Variants in PTPRG observed in about 807,000 individuals in gnomAD.
PTPRG encodes receptor-type tyrosine-protein phosphatase gamma.
A neutral mutation model predicts 165.3 loss-of-function variants in PTPRG; 102 were observed. The observed-to-expected ratio is 0.62, with a 90% CI of 0.53 to 0.73. The LOEUF is 0.73. Ranked by LOEUF, PTPRG falls within the 30% of genes least tolerant of loss-of-function variation. PTPRG has a pLI of 0.00. For missense variants in PTPRG, 1,866 were observed against 1,861.4 expected (o/e 1.00, Z -0.05); for synonymous variants, 675 against 669.5 (o/e 1.01, Z -0.13).
chr3:61,999,930 A>T lies in PTPRG; in HGVS notation c.371-3419A>T, dbSNP rs550643816. ...CTTTGATATAATCAAAAAGATAGAA[A>T]TAATTCAGAAAAGGCAGTATCTTTT... On this transcript the variant is annotated intron_variant, in intron 3 of 29. Coordinates refer to ENST00000474889, the MANE Select transcript of PTPRG (RefSeq NM_002841.4). Among the ~76,000 whole-genome samples the T allele has an allele frequency of 1.4e-3, 213 of 152,322 alleles. 1 individual carries two copies. The highest frequency in any genetic ancestry group is 4.9e-3 in the African/African-American group (204 of 41,564).
At chr3:62,119,855 C>T (rs1337046691) in intron 5 of PTPRG, among the ~76,000 whole-genome samples, 5 of 143,702 alleles carry the variant, frequency 3.5e-5, no homozygotes, top group African/African-American at 7.8e-5. Flanking sequence ...AGGATGGTCT[C>T]GATCTCCTGA....
At chr3:61,570,329 C>A (rs1253294391) in intron 1 of PTPRG, among the ~76,000 whole-genome samples, 2 of 151,576 alleles carry the variant, frequency 1.3e-5, no homozygotes, top group African/African-American at 4.9e-5. Flanking sequence ...TGATTTTAAA[C>A]TACTCAGTTT....
chr3:62,130,955 G>A (rs1490419987), intron 5 of PTPRG, among the ~76,000 whole-genome samples: 1 of 150,432 alleles, frequency 6.6e-6, no homozygotes, highest in Admixed American at 6.6e-5. Context: ...TTTTTTATCT[G>A]TAATGTTTAC....
At position 62,273,100 on chromosome 3, in the gene PTPRG, C is replaced by T. The variant is rs760437952; in HGVS notation, c.3318+19C>T. The T allele has an allele frequency of 5.0e-6, 8 of 1,591,172 alleles. No homozygotes were observed. The highest frequency in any genetic ancestry group is 4.5e-5 in the East Asian group (2 of 44,592). On this transcript the variant is annotated intron_variant, in intron 22 of 29. Transcript: ENST00000474889. This position sits in a 1 kb window ranked among gnomAD's most constrained non-coding sequence, Gnocchi z 4.1. Reference sequence around the variant, plus strand: ...GACTGAGGTAAGGAGTAGCTGCCAGCGTCCTCACGACATTCTGGCAAATGC... The same window carrying T: ...GACTGAGGTAAGGAGTAGCTGCCAGTGTCCTCACGACATTCTGGCAAATGC...
chr3:61,648,387 C>T (rs1389635534), intron 1 of PTPRG, among the ~76,000 whole-genome samples: 7 of 152,238 alleles, frequency 4.6e-5, no homozygotes, highest in Non-Finnish European at 8.8e-5. Context: ...GTGTTTCACA[C>T]ATAGGCACCA....
At chr3:61,688,188 C>G (rs1703702289) in intron 1 of PTPRG, among the ~76,000 whole-genome samples, 1 of 152,158 alleles carries the variant, frequency 6.6e-6, no homozygotes, top group Admixed American at 6.5e-5. Flanking sequence ...ATTTCCTGGA[C>G]TAATCCATGT....
intron 2 of PTPRG, among the ~76,000 whole-genome samples, chr3:61,973,833 A>AAAATAAATAAATAAATAAATAAAT (rs147291562): frequency 4.7e-5 from 7 of 150,278 alleles, no homozygotes; most frequent in African/African-American, 1.7e-4. Context: ...ACTCCATTTC[A>AAAATAAATAAATAAATAAATAAAT]AAATAAATAA....
chr3:62,165,619 T>C (rs1356738159), intron 7 of PTPRG, among the ~76,000 whole-genome samples: 1 of 152,212 alleles, frequency 6.6e-6, no homozygotes, highest in Non-Finnish European at 1.5e-5. Flanking sequence ...AGAATTGAAG[T>C]AACACAAGAG....
intron 1 of PTPRG, among the ~76,000 whole-genome samples, chr3:61,627,103 A>AT (rs11411048): frequency 0.87 from 130,028 of 150,080 alleles, 56,271 homozygotes; most frequent in Middle Eastern, 0.96. Context: ...TTAAAAGCAA[A>AT]TTTTTTTTTT....
chr3:61,818,484 A>T (rs2035854806), intron 2 of PTPRG, among the ~76,000 whole-genome samples: 1 of 152,156 alleles, frequency 6.6e-6, no homozygotes, highest in Non-Finnish European at 1.5e-5. Flanking sequence ...ATAATGAAAA[A>T]GTCCTATAAA....
chr3:61,633,695 T>C (rs1443526752), intron 1 of PTPRG, among the ~76,000 whole-genome samples: 1 of 152,174 alleles, frequency 6.6e-6, no homozygotes, highest in South Asian at 2.1e-4. Flanking sequence ...TCTTGCCTAA[T>C]TGCTCTGGCT....
intron 4 of PTPRG, among the ~76,000 whole-genome samples, chr3:62,061,111 C>G (rs1479802071): frequency 1.3e-5 from 2 of 152,178 alleles, no homozygotes; most frequent in South Asian, 2.1e-4. Context: ...CTAAGGTAGC[C>G]TGTTTTAGCA....
At chr3:61,970,817 A>C (rs2040365364) in intron 2 of PTPRG, among the ~76,000 whole-genome samples, 1 of 152,226 alleles carries the variant, frequency 6.6e-6, no homozygotes, top group Admixed American at 6.5e-5. Flanking sequence ...TTTGAACCAA[A>C]TGAGTTCATA....
intron 2 of PTPRG, among the ~76,000 whole-genome samples, chr3:61,946,921 G>T (rs1361627117): frequency 1.3e-5 from 2 of 152,062 alleles, no homozygotes; most frequent in Admixed American, 6.6e-5. Context: ...ATTTAGACAT[G>T]GTATGATGAG....
At chr3:61,958,525 C>T (rs2040083376) in intron 2 of PTPRG, among the ~76,000 whole-genome samples, 1 of 152,142 alleles carries the variant, frequency 6.6e-6, no homozygotes. Context: ...CTTAATGCTG[C>T]CTCTCCTATG....
intron 2 of PTPRG, among the ~76,000 whole-genome samples, chr3:61,825,796 C>T (rs2036090752): frequency 6.7e-6 from 1 of 149,080 alleles, no homozygotes; most frequent in Admixed American, 6.8e-5. Context: ...GAGCTGTTCC[C>T]TACCACATCC....
chr3:61,873,831 G>C (rs2037651492), intron 2 of PTPRG, among the ~76,000 whole-genome samples: 1 of 151,664 alleles, frequency 6.6e-6, no homozygotes, highest in East Asian at 1.9e-4. Context: ...GCCTTTCTGG[G>C]TTTATGTCCC....
At chr3:62,102,073 G>A (rs1396681249) in intron 5 of PTPRG, among the ~76,000 whole-genome samples, 2 of 151,654 alleles carry the variant, frequency 1.3e-5, no homozygotes, top group African/African-American at 2.4e-5. Context: ...TATTGTTACC[G>A]TATTCCTTAG....
chr3:62,127,720 T>G (rs1559541870), intron 5 of PTPRG, among the ~76,000 whole-genome samples: 1 of 152,158 alleles, frequency 6.6e-6, no homozygotes, highest in Non-Finnish European at 1.5e-5. Context: ...GAGCAAAAAT[T>G]ATTAGGATCC....
Sources: allele counts gnomAD v4.1 joint callset (sites outside exome capture counted in the v4.1 genomes callset), GRCh38; gene constraint gnomAD v4.1.1; non-coding constraint Gnocchi (gnomAD v3.1); transcripts MANE v1.5; gene names NCBI Gene and HGNC (gene_info 2026-07-23, HGNC 2026-07-21).